The following CXADR variants were observed in gnomAD, a reference collection of about 807,000 sequenced individuals.
The protein encoded by CXADR is CXADR cell adhesion molecule.
In CXADR, 20 loss-of-function variants were observed where a neutral mutation model predicts 40.3. The ratio of observed to expected loss-of-function variants is 0.50; its 90% CI spans 0.35 to 0.72. The LOEUF (loss-of-function observed/expected upper bound fraction) is 0.72, where lower values mean the gene tolerates loss of function less well. Among genes scored for constraint, CXADR ranks in the 30% least tolerant of loss-of-function variants. CXADR has a pLI of 0.01. For synonymous variants in CXADR, 150 were observed against 161.3 expected (o/e 0.93, Z 0.53); for missense variants, 332 against 449.1 (o/e 0.74, Z 2.36).
At chr21:17,596,189 A>C (rs1204997391), downstream of CXADR, among the ~76,000 whole-genome samples, 1 of 152,002 alleles carries the variant, frequency 6.6e-6, no homozygotes, top group East Asian at 1.9e-4. Context: ...TCTGGAAATA[A>C]GTCCTTTACA....
rs1425449841 is a variant in CXADR at position 17,568,942 on chromosome 21, A to G, written c.*3250A>G. The G allele has an allele frequency of 5.1e-6, 5 of 983,372 alleles. No homozygotes were observed. Among genetic ancestry groups the G allele is most frequent in the Non-Finnish European group, 6.0e-6 (5 of 828,256 alleles). The allele number at this position is 983,372 out of a possible 1,614,324, so 60.9% of individuals were successfully genotyped here. A position where few individuals can be genotyped will look rare whatever the true frequency, so the allele number is the denominator to read the frequency against. On this transcript the variant is annotated 3_prime_UTR_variant, in exon 7 of 7. Transcript: ENST00000284878. Reference sequence around the variant, plus strand: ...GAGTTTGATTGAAAAAATCCAAATCACTATCCATATAGATCATGGATATAA... The same window carrying G: ...GAGTTTGATTGAAAAAATCCAAATCGCTATCCATATAGATCATGGATATAA...
At position 17,552,029 on chromosome 21, in the gene CXADR, T is replaced by G. The variant is rs557343199; in HGVS notation, c.415+76T>G. ...GTCATAGTACTGTAGTAGCAGCACT[T>G]GTATAAAATAAAGCTTAATTTTTTA... is the stretch of plus-strand genomic sequence containing the variant. On this transcript the variant is annotated intron_variant, in intron 3 of 6. Coordinates refer to ENST00000284878, the MANE Select transcript of CXADR (RefSeq NM_001338.5). 8.9e-5 allele frequency: 97 copies of G among 1,093,260 alleles called. No individual in the cohort carries two copies. In the African/African-American group the frequency reaches 1.5e-3, roughly 16 times the overall value. The allele number at this position is 1,093,260 out of a possible 1,614,324, so 67.7% of individuals were successfully genotyped here. A position where few individuals can be genotyped will look rare whatever the true frequency, so the allele number is the denominator to read the frequency against.
At chr21:17,515,006 G>A (rs957578885) in intron 1 of CXADR, among the ~76,000 whole-genome samples, 1 of 151,880 alleles carries the variant, frequency 6.6e-6, no homozygotes, top group African/African-American at 2.4e-5. Flanking sequence ...ACTTTGATAG[G>A]CACAATTCTA....
Position 17,568,556 on chromosome 21 carries a change from A to G in CXADR, c.*2864A>G, listed in dbSNP as rs1601038122. ...GTTACTGTAGAATATATAGTTCTGT[A>G]CTTTTTTTTTTTTTTTTTAAGAGAT... is the stretch of plus-strand genomic sequence containing the variant. On this transcript the variant is annotated 3_prime_UTR_variant, in exon 7 of 7. Transcript: ENST00000284878. 1 of 900,976 alleles carries G rather than the reference A, an allele frequency of 1.1e-6. No homozygotes were observed. The highest frequency in any genetic ancestry group is 5.5e-5 in the South Asian group (1 of 18,064). 55.8% of individuals were successfully genotyped at this position (900,976 alleles called of 1,614,324 possible).
At chr21:17,590,810 A>AT (rs2061429577) in intron 7 of CXADR, among the ~76,000 whole-genome samples, 1 of 152,058 alleles carries the variant, frequency 6.6e-6, no homozygotes, top group African/African-American at 2.4e-5. Flanking sequence ...TGATCTTTCC[A>AT]TGTAACAAGT....
At chr21:17,545,132 G>A (rs1307652795) in intron 1 of CXADR, among the ~76,000 whole-genome samples, 3 of 138,836 alleles carry the variant, frequency 2.2e-5, no homozygotes, top group African/African-American at 7.9e-5. Context: ...GGAAGAGAGA[G>A]GCAGGCCCCG....
the CXADR span, among the ~76,000 whole-genome samples, chr21:17,624,414 T>A: frequency 3.3e-5 from 5 of 152,310 alleles, no homozygotes; most frequent in African/African-American, 1.2e-4. Context: ...GGTCCCTGTT[T>A]CGTCACTGGT....
At chr21:17,536,354 G>A (rs2060756931) in intron 1 of CXADR, among the ~76,000 whole-genome samples, 1 of 152,148 alleles carries the variant, frequency 6.6e-6, no homozygotes, top group African/African-American at 2.4e-5. Flanking sequence ...TATGTGACCA[G>A]GCTCGCTCAA....
chr21:17,631,203 G>T, the CXADR span, among the ~76,000 whole-genome samples: 1 of 152,204 alleles, frequency 6.6e-6, no homozygotes, highest in Non-Finnish European at 1.5e-5. Flanking sequence ...TTGAGGAAAA[G>T]ATAGATTATG....
the CXADR span, chr21:17,613,809 T>C: frequency 6.6e-6 from 1 of 152,222 alleles, no homozygotes; most frequent in African/African-American, 2.4e-5. Flanking sequence ...AGCACTTTAA[T>C]ACATCCAACT....
rs1225494968 is a variant in CXADR, at chr21:17,519,425, C to G, written c.43+6253C>G. 2.6e-5 allele frequency among the ~76,000 whole-genome samples: 4 copies of G among 152,330 alleles called. No individual in the cohort carries two copies. In the South Asian group the frequency reaches 6.2e-4, roughly 24 times the overall value. ...AAAGATGGTCCTTACAGTGATTATTCCACTAGTCATGTCTGAGTCAGTTTT... is the reference window on the plus strand; with the variant it reads ...AAAGATGGTCCTTACAGTGATTATTGCACTAGTCATGTCTGAGTCAGTTTT... On this transcript the variant is annotated intron_variant, in intron 1 of 6. Coordinates refer to ENST00000284878, the MANE Select transcript of CXADR (RefSeq NM_001338.5).
the CXADR span, among the ~76,000 whole-genome samples, chr21:17,604,589 A>G: frequency 2.0e-5 from 3 of 152,348 alleles, no homozygotes; most frequent in South Asian, 4.1e-4. Flanking sequence ...AGCGGAATCT[A>G]GGTGTCTACT....
intron 7 of CXADR, among the ~76,000 whole-genome samples, chr21:17,580,154 T>C (rs1191191985): frequency 6.6e-6 from 1 of 152,152 alleles, no homozygotes; most frequent in Non-Finnish European, 1.5e-5. Flanking sequence ...ATGAATCCAC[T>C]TGATTATGAA....
chr21:17,526,298 AT>A (rs909009068), intron 1 of CXADR, among the ~76,000 whole-genome samples: 17 of 149,168 alleles, frequency 1.1e-4, no homozygotes, highest in East Asian at 3.9e-4. Flanking sequence ...TAAAATCGTT[AT>A]TTTTTTTTTG....
downstream of CXADR, chr21:17,593,596 T>C (rs750353511): frequency 7.4e-5 from 12 of 162,632 alleles, no homozygotes; most frequent in South Asian, 2.0e-4. Context: ...GTTAAATACA[T>C]TGAAGGGAAA....
chr21:17,612,104 C>T, the CXADR span: 3 of 152,372 alleles, frequency 2.0e-5, no homozygotes, highest in Non-Finnish European at 4.4e-5. Context: ...GAGGAGGGAT[C>T]AAACATCTCC....
chr21:17,593,235 T>C, exon 8 of CXADR: 1 of 1,374,304 alleles, frequency 7.3e-7, no homozygotes, highest in Non-Finnish European at 9.5e-7. Flanking sequence ...ATTATTTGAC[T>C]TTATTTTAGG....
At chr21:17,529,961 T>TA (rs767154800) in intron 1 of CXADR, among the ~76,000 whole-genome samples, 9 of 151,316 alleles carry the variant, frequency 5.9e-5, no homozygotes, top group Non-Finnish European at 1.2e-4. Context: ...TTTTTTTTTT[T>TA]AATTTGAGAT....
chr21:17,543,950 C>T (rs1284158712), intron 1 of CXADR, among the ~76,000 whole-genome samples: 1 of 151,960 alleles, frequency 6.6e-6, no homozygotes, highest in African/African-American at 2.4e-5. Flanking sequence ...ATTACTTGAG[C>T]CTCAGGAGTT....
Sources: gnomAD v4.1 joint callset for allele counts (sites outside exome capture counted in the v4.1 genomes callset) on GRCh38, gnomAD v4.1.1 for gene constraint, MANE v1.5 for transcripts, NCBI Gene and HGNC (gene_info 2026-07-23, HGNC 2026-07-21) for gene names.